The following ZNF644 variants were observed in gnomAD, a reference collection of about 807,000 sequenced individuals.
The protein encoded by ZNF644 is zinc finger motif enhancer binding protein 2.
A neutral mutation model predicts 108.0 loss-of-function variants in ZNF644; 20 were observed. The observed-to-expected ratio is 0.19, with a 90% CI of 0.13 to 0.27. The LOEUF is 0.27. Among genes scored for constraint, ZNF644 ranks in the 10% least tolerant of loss-of-function variants. The probability of loss-of-function intolerance (pLI) is 1.00; values close to 1 mark genes in which losing one functional copy is unlikely to be tolerated. For missense variants in ZNF644, 1,338 were observed against 1,548.9 expected, an observed-to-expected ratio of 0.86 and a Z score of 2.29; for synonymous variants, 542 against 539.1, an observed-to-expected ratio of 1.01 and a Z score of -0.08.
At chr1:90,998,448 C>T (rs1314547974) in intron 1 of ZNF644, among the ~76,000 whole-genome samples, 1 of 152,224 alleles carries the variant, frequency 6.6e-6, no homozygotes, top group Non-Finnish European at 1.5e-5. Context: ...CTGGAGTGGA[C>T]CTCCAGCAAA....
chr1:91,021,640 C>CCT (rs1660929750), intron 1 of ZNF644: 1 of 140,688 alleles, frequency 7.1e-6, no homozygotes, highest in Non-Finnish European at 1.6e-5. Flanking sequence ...GAAAGCCCCC[C>CCT]CCCCATCCCC....
intron 4 of ZNF644, among the ~76,000 whole-genome samples, chr1:90,923,256 T>C (rs1649668456): frequency 6.6e-6 from 1 of 152,114 alleles, no homozygotes; most frequent in Admixed American, 6.6e-5. Context: ...GCATTGGACT[T>C]TGCAAATAGC....
chr1:90,920,970 C>A (rs1207615978), intron 4 of ZNF644, among the ~76,000 whole-genome samples: 1 of 151,948 alleles, frequency 6.6e-6, no homozygotes, highest in Non-Finnish European at 1.5e-5. Flanking sequence ...ATGCCAATAT[C>A]CAAACCCACT....
chr1:90,931,424 C>T (rs975255572), intron 4 of ZNF644, among the ~76,000 whole-genome samples: 4 of 148,154 alleles, frequency 2.7e-5, no homozygotes, highest in African/African-American at 9.9e-5. Flanking sequence ...CTAGAATAAA[C>T]TCTTGAATAA....
intron 1 of ZNF644, among the ~76,000 whole-genome samples, chr1:91,019,211 A>T (rs1029277251): frequency 1.3e-5 from 2 of 152,214 alleles, no homozygotes; most frequent in African/African-American, 4.8e-5. Context: ...CACTCAGTAG[A>T]AGTAGTAGTC....
intron 4 of ZNF644, among the ~76,000 whole-genome samples, chr1:90,933,487 C>T (rs1295789778): frequency 1.3e-5 from 2 of 152,010 alleles, no homozygotes; most frequent in Admixed American, 1.3e-4. Context: ...CATGGTAAAA[C>T]CCCATCTCTA....
At chr1:90,968,029 C>T (rs1186921834) in intron 2 of ZNF644, among the ~76,000 whole-genome samples, 1 of 140,048 alleles carries the variant, frequency 7.1e-6, no homozygotes, top group Non-Finnish European at 1.5e-5. Flanking sequence ...CCACTGCATT[C>T]CAGCCTGGGT....
chr1:90,954,982 A>T (rs533927477), intron 2 of ZNF644, among the ~76,000 whole-genome samples: 1 of 152,218 alleles, frequency 6.6e-6, no homozygotes, highest in East Asian at 1.9e-4. Flanking sequence ...AGCCTTATGA[A>T]ATGTACTTAG....
intron 2 of ZNF644, among the ~76,000 whole-genome samples, chr1:90,966,770 A>T (rs1435952046): frequency 1.4e-5 from 2 of 143,116 alleles, no homozygotes; most frequent in African/African-American, 5.1e-5. Flanking sequence ...AAAAAAAAAA[A>T]TCTGGGTAAC....
At chr1:90,932,038 G>A (rs1650787106) in intron 4 of ZNF644, among the ~76,000 whole-genome samples, 1 of 152,112 alleles carries the variant, frequency 6.6e-6, no homozygotes, top group African/African-American at 2.4e-5. Flanking sequence ...AAAGATGTCG[G>A]TGACCCCAGT....
intron 4 of ZNF644, among the ~76,000 whole-genome samples, chr1:90,920,669 A>C (rs1288054605): frequency 1.3e-5 from 2 of 151,984 alleles, no homozygotes; most frequent in Non-Finnish European, 2.9e-5. Flanking sequence ...TGTAGCAATG[A>C]GTATTTGAAG....
At chr1:90,941,441 C>T in intron 2 of ZNF644, 132 bp from the exon 3 acceptor site, 1 of 854,492 alleles carries the variant, frequency 1.2e-6, no homozygotes, top group Non-Finnish European at 1.7e-6. Context: ...AATAATTTTC[C>T]AAGAATGAAA....
intron 4 of ZNF644, among the ~76,000 whole-genome samples, chr1:90,918,820 T>C (rs529921440): frequency 6.6e-6 from 1 of 152,064 alleles, no homozygotes; most frequent in Non-Finnish European, 1.5e-5. Flanking sequence ...TAATCAATTA[T>C]GCAATCATAT....
rs75221611 is a variant in ZNF644, at chr1:90,981,560, A to G, written c.44+750T>C. 8.5e-5 allele frequency among the ~76,000 whole-genome samples: 13 copies of G among 152,050 alleles called. No homozygotes were observed. In the East Asian group the frequency reaches 2.1e-3, roughly 25 times the overall value. On this transcript the variant is annotated intron_variant, in intron 2 of 5. Coordinates refer to ENST00000337393, the MANE Select transcript of ZNF644 (RefSeq NM_201269.3). ...TTAGAGGGAAAACCAAGTTAACTCCAATTTTTTCAATGTTCTTTTTCCCTT... is the reference window on the plus strand; with the variant it reads ...TTAGAGGGAAAACCAAGTTAACTCCGATTTTTTCAATGTTCTTTTTCCCTT...
chr1:90,964,257 A>G (rs1654613907), intron 2 of ZNF644, among the ~76,000 whole-genome samples: 1 of 152,080 alleles, frequency 6.6e-6, no homozygotes, highest in South Asian at 2.1e-4. Context: ...TTTATATAAG[A>G]GAAAATAAAA....
At chr1:90,918,481 C>T (rs1649057692) in intron 4 of ZNF644, 1 of 228,090 alleles carries the variant, frequency 4.4e-6, no homozygotes, top group Non-Finnish European at 8.8e-6. Flanking sequence ...TCAATTATTA[C>T]AATAATGGTA....
At position 90,940,333 on chromosome 1, in the gene ZNF644, C is replaced by T. The variant is rs1651821037; in HGVS notation, c.1021G>A (p.Ala341Thr). 1 of 1,613,792 alleles carries T rather than the reference C, an allele frequency of 6.2e-7. No individual in the cohort carries two copies. Among genetic ancestry groups the T allele is most frequent in the Non-Finnish European group, 8.5e-7 (1 of 1,179,944 alleles). Residue 341 changes from alanine to threonine, a missense_variant, in exon 3 of 6, where the codon GCA becomes ACA. This residue lies in a region of ZNF644 where 464 missense variants were observed against 457.9 expected (regional missense o/e 1.01). Transcript: ENST00000337393. ...ELQAVDSQKY[A>T]LSKVKPESTD... ...GATTCAGGCTTCACTTTTGATAATG[C>T]ATATTTCTGTGAGTCTACTGCTTGT...
intron 2 of ZNF644, among the ~76,000 whole-genome samples, chr1:90,945,241 C>T (rs547116429): frequency 1.4e-4 from 22 of 152,048 alleles, no homozygotes; most frequent in Non-Finnish European, 2.8e-4. Flanking sequence ...TGTTTAGACA[C>T]CATTACTAAA....
chr1:90,992,437 C>T (rs1347486149), intron 1 of ZNF644, among the ~76,000 whole-genome samples: 1 of 151,032 alleles, frequency 6.6e-6, no homozygotes, highest in Non-Finnish European at 1.5e-5. Context: ...CTTTGAACAA[C>T]TGCTAATTTA....
Sources: gnomAD v4.1 joint callset for allele counts (sites outside exome capture counted in the v4.1 genomes callset) on GRCh38, gnomAD v4.1.1 for gene constraint, gnomAD v4.1.1 regional missense constraint, MANE v1.5 for transcripts, NCBI Gene and HGNC (gene_info 2026-07-23, HGNC 2026-07-21) for gene names.